Variants in SLC6A2 observed in about 807,000 individuals in gnomAD.
SLC6A2 encodes the protein solute carrier family 6 member 2.
A neutral mutation model predicts 71.7 loss-of-function variants in SLC6A2; 26 were observed. The observed-to-expected ratio is 0.36, with a 90% CI of 0.27 to 0.50. The LOEUF (loss-of-function observed/expected upper bound fraction) is 0.50. Among genes scored for constraint, SLC6A2 ranks in the 20% least tolerant of loss-of-function variants. SLC6A2 has a pLI of 0.96. For synonymous variants in SLC6A2, 363 were observed against 337.9 expected (o/e 1.07, Z -0.82); for missense variants, 581 against 803.9 (o/e 0.72, Z 3.35).
At position 55,694,218 on chromosome 16, in the gene SLC6A2, C is replaced by A. The variant is rs951665164; in HGVS notation, c.1022+105C>A. ...TGGAAGCCAACTCTCCCTGGGCAAG[C>A]CAAATTTTCTTCTTGTGAACCATCC... On this transcript the variant is annotated intron_variant, in intron 7 of 14. Coordinates refer to ENST00000568943, the MANE Select transcript of SLC6A2 (RefSeq NM_001172501.3). The A allele has an allele frequency of 1.2e-5, 10 of 836,880 alleles. No homozygotes were observed. The Admixed American group carries it at 1.8e-4, about 15-fold the overall frequency. The allele number at this position is 836,880 out of a possible 1,614,324, so 51.8% of individuals were successfully genotyped here.
At chr16:55,679,474 G>T (rs761580661) in intron 4 of SLC6A2, among the ~76,000 whole-genome samples, 10 of 152,170 alleles carry the variant, frequency 6.6e-5, no homozygotes, top group Admixed American at 3.9e-4. Flanking sequence ...TGATCCACCC[G>T]CCTTGGCCTC....
intron 4 of SLC6A2, among the ~76,000 whole-genome samples, chr16:55,674,191 C>G (rs1426139399): frequency 6.6e-6 from 1 of 152,042 alleles, no homozygotes; most frequent in Non-Finnish European, 1.5e-5. Flanking sequence ...CCCTCCCTCA[C>G]TCCTCACTCT....
At chr16:55,683,034 G>A (rs182812973) in intron 4 of SLC6A2, among the ~76,000 whole-genome samples, 53 of 152,306 alleles carry the variant, frequency 3.5e-4, no homozygotes, top group Admixed American at 5.9e-4. Context: ...ACAAATGAAC[G>A]ATTAGGGTGC....
chr16:55,698,723 C>A (rs576459341), intron 11 of SLC6A2, among the ~76,000 whole-genome samples, 155 bp downstream of exon 11: 27 of 152,252 alleles, frequency 1.8e-4, no homozygotes, highest in African/African-American at 6.5e-4. Context: ...CTCGGCTCAT[C>A]TTTGGATGAA....
chr16:55,684,503 G>A (rs1367469595), intron 4 of SLC6A2, among the ~76,000 whole-genome samples: 2 of 152,226 alleles, frequency 1.3e-5, no homozygotes, highest in African/African-American at 4.8e-5. Context: ...CACAGGATAA[G>A]CCTATCTTCA....
chr16:55,662,754 C>T (rs141807994), intron 2 of SLC6A2, among the ~76,000 whole-genome samples: 104 of 152,262 alleles, frequency 6.8e-4, no homozygotes, highest in African/African-American at 2.5e-3. Flanking sequence ...TGAATTCCAC[C>T]CCCATTTTTC....
In SLC6A2 at chr16:55,671,922, C is replaced by T. The variant is rs1476643926; in HGVS notation, c.407-16C>T. 5 of 1,613,904 alleles carry T rather than the reference C, an allele frequency of 3.1e-6. No homozygotes were observed. In the Admixed American group the frequency reaches 6.7e-5, roughly 22 times the overall value. On this transcript the variant is annotated splice_polypyrimidine_tract_variant and intron_variant, in intron 3 of 14. Coordinates refer to ENST00000568943, the MANE Select transcript of SLC6A2 (RefSeq NM_001172501.3). ...GGGCCTGGGAGACTCCTACCTTACC[C>T]CCTGTCCCTGCCCAGGCGTTGGCTA...
chr16:55,689,763 C>T (rs1479452757), intron 5 of SLC6A2, among the ~76,000 whole-genome samples: 2 of 152,206 alleles, frequency 1.3e-5, no homozygotes, highest in Admixed American at 1.3e-4. Flanking sequence ...TGTTTCCCTC[C>T]TTATTTGTTA....
intron 9 of SLC6A2, among the ~76,000 whole-genome samples, chr16:55,697,220 G>C (rs1451343231): frequency 1.3e-5 from 2 of 152,204 alleles, no homozygotes; most frequent in Non-Finnish European, 2.9e-5. Context: ...GCAGGGAGTT[G>C]AGAAGGATTT....
chr16:55,689,416 T>C (rs1397235688), intron 5 of SLC6A2, among the ~76,000 whole-genome samples: 1 of 152,220 alleles, frequency 6.6e-6, no homozygotes, highest in Non-Finnish European at 1.5e-5. Context: ...ATGTATTCCT[T>C]AGGGAAACTG....
chr16:55,699,447 T>C, intron 11 of SLC6A2, 107 bp from the exon 12 acceptor site: 1 of 835,436 alleles, frequency 1.2e-6, no homozygotes, highest in East Asian at 2.5e-5. Context: ...GGTATCAGCA[T>C]CTTGCCTCAC....
chr16:55,662,486 G>A (rs1342911929), intron 2 of SLC6A2, among the ~76,000 whole-genome samples: 1 of 152,178 alleles, frequency 6.6e-6, no homozygotes, highest in East Asian at 1.9e-4. Flanking sequence ...CAATATTGGA[G>A]GTATTAATCC....
intron 4 of SLC6A2, among the ~76,000 whole-genome samples, chr16:55,677,870 A>G (rs1403971619): frequency 6.6e-6 from 1 of 152,102 alleles, no homozygotes; most frequent in Non-Finnish European, 1.5e-5. Context: ...CATGTTTCAC[A>G]GGCTGGTCTT....
At chr16:55,663,350 C>G (rs533820422) in intron 2 of SLC6A2, among the ~76,000 whole-genome samples, 2 of 152,116 alleles carry the variant, frequency 1.3e-5, no homozygotes, top group Non-Finnish European at 2.9e-5. Context: ...TGAGTTCTCA[C>G]GCCACTCTCT....
chr16:55,679,474 G>A (rs761580661), intron 4 of SLC6A2, among the ~76,000 whole-genome samples: 3 of 152,170 alleles, frequency 2.0e-5, no homozygotes, highest in Admixed American at 6.5e-5. Flanking sequence ...TGATCCACCC[G>A]CCTTGGCCTC....
At chr16:55,657,100 T>A in intron 2 of SLC6A2, 132 bp downstream of exon 2, 2 of 958,786 alleles carry the variant, frequency 2.1e-6, no homozygotes, top group Non-Finnish European at 3.1e-6. Context: ...CAGAAAGAAC[T>A]GGACAGGGCT....
rs1292326539 is a variant in SLC6A2, at chr16:55,704,420, C to T, written c.*2074C>T. On this transcript the variant is annotated 3_prime_UTR_variant, in exon 15 of 15. Coordinates refer to ENST00000568943, the MANE Select transcript of SLC6A2 (RefSeq NM_001172501.3). ...TATTCCCTGCACAATAGGGTTCACC[C>T]CACCCAGGACTGTCATTTTTAAAAA... The T allele has an allele frequency of 1.3e-5, 2 of 152,144 alleles. No individual in the cohort carries two copies. Among genetic ancestry groups the T allele is most frequent in the African/African-American group, 4.8e-5 (2 of 41,426 alleles). The allele number at this position is 152,144 out of a possible 1,614,324, so 9.4% of individuals were successfully genotyped here. A position where few individuals can be genotyped will look rare whatever the true frequency, so the allele number is the denominator to read the frequency against.
Position 55,705,389 on chromosome 16 carries a change from C to A in SLC6A2, c.*3043C>A. ...CTAATGTGAGACTGAAGCATTCTTA[C>A]CAAAGAAATCATTTCCTAGTAAAGA... is the stretch of plus-strand genomic sequence containing the variant. On this transcript the variant is annotated 3_prime_UTR_variant, in exon 15 of 15. Coordinates refer to ENST00000568943, the MANE Select transcript of SLC6A2 (RefSeq NM_001172501.3). 1 of 664,004 alleles carries A rather than the reference C, an allele frequency of 1.5e-6. No homozygotes were observed. Among genetic ancestry groups the A allele is most frequent in the Non-Finnish European group, 2.5e-6 (1 of 397,218 alleles). 41.1% of individuals were successfully genotyped at this position (664,004 alleles called of 1,614,324 possible). A position where few individuals can be genotyped will look rare whatever the true frequency, so the allele number is the denominator to read the frequency against.
intron 5 of SLC6A2, among the ~76,000 whole-genome samples, chr16:55,687,703 A>G (rs1475395684): frequency 6.6e-6 from 1 of 152,198 alleles, no homozygotes; most frequent in Non-Finnish European, 1.5e-5. Context: ...TGGCCTTGGC[A>G]TAGGACCACC....
Sources: allele counts gnomAD v4.1 joint callset (sites outside exome capture counted in the v4.1 genomes callset), GRCh38; gene constraint gnomAD v4.1.1; transcripts MANE v1.5; gene names NCBI Gene and HGNC (gene_info 2026-07-23, HGNC 2026-07-21).